ADGRF3: variants seen among roughly 807,000 people sequenced by gnomAD.
ADGRF3 encodes adhesion G protein-coupled receptor F3, also known as G protein-coupled receptor 113.
ADGRF3 carries 85 observed loss-of-function variants against 93.2 expected under a neutral mutation model. The ratio of observed to expected loss-of-function variants is 0.91; its 90% CI spans 0.77 to 1.09. The LOEUF is 1.09. Among genes scored for constraint, ADGRF3 ranks in the 50% least tolerant of loss-of-function variants. The pLI is 0.00. For synonymous variants in ADGRF3, 534 were observed against 532.5 expected (o/e 1.00, Z -0.04); for missense variants, 1,125 against 1,246.2 (o/e 0.90, Z 1.46).
chr2:26,318,682 G>T (rs1558389816), intron 1 of ADGRF3, among the ~76,000 whole-genome samples: 1 of 152,048 alleles, frequency 6.6e-6, no homozygotes, highest in African/African-American at 2.4e-5. Flanking sequence ...TTTTTAAATG[G>T]CCAGCTTGAC....
rs1272960560 is a variant in ADGRF3, at chr2:26,311,225, C to G, written c.2299G>C (p.Gly767Arg). 3 of 1,606,432 alleles carry G rather than the reference C, an allele frequency of 1.9e-6. No individual in the cohort carries two copies. The highest frequency in any genetic ancestry group is 2.5e-6 in the Non-Finnish European group (3 of 1,176,618). The part of the protein sequence containing the change: ...CFLGAPFLSP[G>R]PRSPLCLAAA... ...GCAAGGCAGAGCGGGCTTCGGGGCC[C>G]TGGAGAGAGGAATGGGGCGCCCAGG... Residue 767 changes from glycine (G) to arginine (R), a missense_variant, in exon 10 of 14, where the codon GGG becomes CGG. Physicochemically the swap from Gly to Arg is moderately radical, Grantham distance 125 (BLOSUM62 -2). Transcript: ENST00000651242.
At chr2:26,340,861 T>C (rs1008344817) in intron 1 of ADGRF3, among the ~76,000 whole-genome samples, 1 of 152,228 alleles carries the variant, frequency 6.6e-6, no homozygotes, top group South Asian at 2.1e-4. Flanking sequence ...GCTTCTTTTA[T>C]TTAACAGACA....
intron 1 of ADGRF3, chr2:26,345,751 C>G (rs1420531385): frequency 2.1e-5 from 5 of 242,134 alleles, no homozygotes; most frequent in Admixed American, 1.6e-4. Flanking sequence ...GTCACTCTAC[C>G]CCCAAGACTA....
intron 2 of ADGRF3, 39 bp from the exon 3 acceptor site, chr2:26,317,094 C>T (rs377549729): frequency 1.5e-5 from 24 of 1,564,042 alleles, no homozygotes; most frequent in Middle Eastern, 1.8e-4. Flanking sequence ...GGACAGGCAG[C>T]GAGGCCACAA....
rs150001339 is a variant in ADGRF3 at position 26,311,075 on chromosome 2, G to A, written c.2449C>T (p.Leu817Phe). The part of the protein sequence containing the change: ...HQLAKHRVLP[L>F]MVLLGYLCPL... ...CACAGGTAGCCCAGGAGCACCATGAGGGGGAGAACTCGGTGCTTTGCCAGC... is the reference window on the plus strand; with the variant it reads ...CACAGGTAGCCCAGGAGCACCATGAAGGGGAGAACTCGGTGCTTTGCCAGC... The change falls in exon 10 of 14, where the codon CTC (leucine) becomes TTC (phenylalanine). Residue 817 changes from leucine to phenylalanine, a missense_variant. By Grantham distance (22) the Leu-to-Phe change is conservative. Transcript: ENST00000651242. 3.7e-6 allele frequency: 6 copies of A among 1,606,966 alleles called. No individual in the cohort carries two copies. The highest frequency in any genetic ancestry group is 1.6e-4 in the Middle Eastern group (1 of 6,078).
At position 26,310,779 on chromosome 2, in the gene ADGRF3, G is replaced by A. The variant is rs755784740; in HGVS notation, c.2745C>T (p.Gly915=). ...KALLILTPIF[G]LTWGLGLATL... ...TGGCCAGGCCCAGCCCCCAGGTGAG[G>A]CCAAAGATGGGTGTAAGAATGAGCA... The change falls in exon 10 of 14, where the codon GGC becomes GGT. Residue 915 remains glycine, a synonymous_variant. Transcript: ENST00000651242. The A allele has an allele frequency of 6.2e-7, 1 of 1,613,592 alleles. No individual in the cohort carries two copies.
At chr2:26,332,567 C>T (rs1675823520) in intron 1 of ADGRF3, among the ~76,000 whole-genome samples, 2 of 152,030 alleles carry the variant, frequency 1.3e-5, no homozygotes, top group Admixed American at 6.6e-5. Context: ...TGGTGAAACC[C>T]CGTCTCTACA....
chr2:26,317,424 G>C (rs1462764778), intron 2 of ADGRF3, 72 bp downstream of exon 2: 1 of 1,430,622 alleles, frequency 7.0e-7, no homozygotes, highest in Non-Finnish European at 9.6e-7. Flanking sequence ...CTCTTTTCTG[G>C]GTCCTGGGTT....
intron 10 of ADGRF3, 85 bp downstream of exon 10, chr2:26,310,607 A>C: frequency 7.2e-7 from 1 of 1,387,664 alleles, no homozygotes; most frequent in Non-Finnish European, 9.8e-7. Flanking sequence ...CTTCTGCTCC[A>C]CCTTGGTACC....
rs775089314 is a variant in ADGRF3, at chr2:26,313,100, C to T, written c.1292G>A (p.Ser431Asn). 2 of 1,613,916 alleles carry T rather than the reference C, an allele frequency of 1.2e-6. No homozygotes were observed. Among genetic ancestry groups the T allele is most frequent in the South Asian group, 1.1e-5 (1 of 91,090 alleles). The change falls in exon 9 of 14, where the codon AGT becomes AAT. Residue 431 changes from serine to asparagine, a missense_variant. Coordinates refer to ENST00000651242, the MANE Select transcript of ADGRF3 (RefSeq NM_001321971.2). ...GATCTGTGGCACCTCCTCAGCAGGA[C>T]TGCCCTGGCCTGCCTGCAGCAGCTG... ...RTKLLQAGQGSPAEEVPQILA... is the reference protein window; with the variant it reads ...RTKLLQAGQGNPAEEVPQILA...
At position 26,345,809 on chromosome 2, in the gene ADGRF3, C is replaced by T. The variant is rs1676693420; in HGVS notation, c.114+312G>A. ...ACGCAAGTGCGGATACCACAGAAAT[C>T]CCACCTTCCCCCGGGACCGGGAGCA... On this transcript the variant is annotated intron_variant, in intron 1 of 13. Coordinates refer to ENST00000651242, the MANE Select transcript of ADGRF3 (RefSeq NM_001321971.2). 1.3e-5 allele frequency: 5 copies of T among 393,756 alleles called. No homozygotes were observed. In the Admixed American group the frequency reaches 2.0e-4, roughly 16 times the overall value. 24.4% of individuals were successfully genotyped at this position (393,756 alleles called of 1,614,324 possible). A position where few individuals can be genotyped will look rare whatever the true frequency, so the allele number is the denominator to read the frequency against.
intron 1 of ADGRF3, among the ~76,000 whole-genome samples, chr2:26,339,938 C>G (rs1425811069): frequency 6.6e-6 from 1 of 152,194 alleles, no homozygotes; most frequent in African/African-American, 2.4e-5. Context: ...ATCAAGTTTT[C>G]CCGTTTTAAA....
chr2:26,308,911 G>T lies in ADGRF3; in HGVS notation c.*175C>A. 1 of 769,170 alleles carries T rather than the reference G, an allele frequency of 1.3e-6. No individual in the cohort carries two copies. The allele number at this position is 769,170 out of a possible 1,614,324, so 47.6% of individuals were successfully genotyped here. On this transcript the variant is annotated 3_prime_UTR_variant, in exon 14 of 14. Coordinates refer to ENST00000651242, the MANE Select transcript of ADGRF3 (RefSeq NM_001321971.2). ...TATTCTTGCTGGATACTTTAGAAAT[G>T]AGAAGGGGTGAGCTGTAAGATAAAT...
intron 1 of ADGRF3, among the ~76,000 whole-genome samples, chr2:26,319,296 G>A (rs1262889313): frequency 6.6e-6 from 1 of 152,136 alleles, no homozygotes; most frequent in African/African-American, 2.4e-5. Flanking sequence ...CCAAAGCTCC[G>A]AGAGCAGGAG....
chr2:26,321,137 T>C (rs987260888), intron 1 of ADGRF3, among the ~76,000 whole-genome samples: 8 of 152,228 alleles, frequency 5.3e-5, no homozygotes, highest in Non-Finnish European at 7.4e-5. Context: ...CATAGCCCCA[T>C]TGCATTTCCA....
In ADGRF3 at chr2:26,311,550, C is replaced by A. The variant is rs764308681; in HGVS notation, c.1974G>T (p.Arg658Ser). 3.7e-6 allele frequency: 6 copies of A among 1,613,890 alleles called. No individual in the cohort carries two copies. The East Asian group carries it at 1.1e-4, about 30-fold the overall frequency. Reference sequence around the variant, plus strand: ...GGCACCCTTCTTTGGACCAACCCCCCCTGCCCTGGAAGAGACTGTGATCCC... The same window carrying A: ...GGCACCCTTCTTTGGACCAACCCCCACTGCCCTGGAAGAGACTGTGATCCC... ...VFWDHSLFQG[R>S]GGWSKEGCQA... Residue 658 changes from arginine to serine, a missense_variant, in exon 10 of 14, where the codon AGG becomes AGT. Coordinates refer to ENST00000651242, the MANE Select transcript of ADGRF3 (RefSeq NM_001321971.2).
intron 1 of ADGRF3, 58 bp downstream of exon 1, chr2:26,346,063 C>A: frequency 6.7e-7 from 1 of 1,501,226 alleles, no homozygotes; most frequent in Non-Finnish European, 8.9e-7. Flanking sequence ...CACTGAGAGG[C>A]GGCCGAAGGG....
chr2:26,308,766 TGTA>T lies in ADGRF3; in HGVS notation c.*317_*319del, dbSNP rs1257885983. 2.5e-5 allele frequency: 9 copies of T among 361,320 alleles called. No homozygotes were observed. The highest frequency in any genetic ancestry group is 4.5e-5 in the Non-Finnish European group (9 of 199,532). 22.4% of individuals were successfully genotyped at this position (361,320 alleles called of 1,614,324 possible). A position where few individuals can be genotyped will look rare whatever the true frequency, so the allele number is the denominator to read the frequency against. On this transcript the variant is annotated 3_prime_UTR_variant, in exon 14 of 14. Coordinates refer to ENST00000651242, the MANE Select transcript of ADGRF3 (RefSeq NM_001321971.2). ...TATATTCATTCACAACATGTATTGT[TGTA>T]GTTAAAAACTGGTTGAGAAAGTTTA...
In ADGRF3 at chr2:26,346,146, A is replaced by C. The variant is rs1281209126; in HGVS notation, c.89T>G (p.Met30Arg). The change falls in exon 1 of 14, where the codon ATG (methionine) becomes AGG (arginine). Residue 30 changes from methionine to arginine, a missense_variant. Physicochemically the swap from Met to Arg is moderately conservative, Grantham distance 91. Transcript: ENST00000651242. Reference sequence around the variant, plus strand: ...CTTCTCGGGCAGCCCAGTCTTTGCCATCCTTGCCCAGCCGGTGTGGTGCTT... The same window carrying C: ...CTTCTCGGGCAGCCCAGTCTTTGCCCTCCTTGCCCAGCCGGTGTGGTGCTT... The part of the protein sequence containing the change: ...THKHHTGWAR[M>R]AKTGLPEKGQ... 1 of 1,604,724 alleles carries C rather than the reference A, an allele frequency of 6.2e-7. No individual in the cohort carries two copies. The highest frequency in any genetic ancestry group is 1.3e-5 in the African/African-American group (1 of 74,766).
Sources: allele counts gnomAD v4.1 joint callset (sites outside exome capture counted in the v4.1 genomes callset), GRCh38; gene constraint gnomAD v4.1.1; transcripts MANE v1.5; gene names NCBI Gene and HGNC (gene_info 2026-07-23, HGNC 2026-07-21).